BBS9: variants seen among roughly 807,000 people sequenced by gnomAD.
BBS9 encodes protein PTHB1.
In BBS9, 89 loss-of-function variants were observed where a neutral mutation model predicts 117.7. That is an observed-to-expected ratio of 0.76 (90% CI 0.64 to 0.90). The LOEUF (loss-of-function observed/expected upper bound fraction) is 0.90, where lower values mean the gene tolerates loss of function less well. Among genes scored for constraint, BBS9 ranks in the 40% least tolerant of loss-of-function variants. The pLI, the probability that BBS9 is intolerant of heterozygous loss-of-function variation, is 0.00. For missense variants in BBS9, 982 were observed against 1,042.2 expected (o/e 0.94, Z 0.80); for synonymous variants, 379 against 370.9 (o/e 1.02, Z -0.25).
chr7:33,466,566 TCATCTG>T (rs1840198978), intron 19 of BBS9, among the ~76,000 whole-genome samples: 1 of 152,126 alleles, frequency 6.6e-6, no homozygotes, highest in African/African-American at 2.4e-5. Context: ...CTTTATTCAT[TCATCTG>T]TCTGCAGACA....
chr7:33,624,523 A>C (rs1316799698), intron 21 of BBS9, among the ~76,000 whole-genome samples: 1 of 152,100 alleles, frequency 6.6e-6, no homozygotes, highest in African/African-American at 2.4e-5. Flanking sequence ...TTAACTTTCC[A>C]TGTGTTTTCT....
chr7:33,592,299 C>A (rs1320853838), intron 21 of BBS9, among the ~76,000 whole-genome samples: 1 of 151,948 alleles, frequency 6.6e-6, no homozygotes, highest in East Asian at 1.9e-4. Flanking sequence ...CTAATTTAAT[C>A]CTAATCTCTC....
chr7:33,509,544 C>T (rs1846617955), intron 20 of BBS9, among the ~76,000 whole-genome samples: 1 of 152,104 alleles, frequency 6.6e-6, no homozygotes, highest in Non-Finnish European at 1.5e-5. Flanking sequence ...GGGTGGATGG[C>T]AGAGTACATG....
Position 33,613,851 on chromosome 7 carries a change from A to T in BBS9, c.2522-21326A>T, listed in dbSNP as rs139277534. ...TACAGAGAAAGACATATCATGAATA[A>T]CACCAAGGCTTGGACTTCTACCATT... On this transcript the variant is annotated intron_variant, in intron 21 of 21. Transcript: ENST00000671952. Among the ~76,000 whole-genome samples, 341 of 152,146 alleles carry T rather than the reference A, an allele frequency of 2.2e-3. 2 individuals are homozygous for T. The highest frequency in any genetic ancestry group is 7.8e-3 in the African/African-American group (322 of 41,528).
At chr7:33,347,627 T>C (rs1817845056) in intron 12 of BBS9, among the ~76,000 whole-genome samples, 1 of 152,048 alleles carries the variant, frequency 6.6e-6, no homozygotes, top group Non-Finnish European at 1.5e-5. Flanking sequence ...TTTTAACTTA[T>C]TTTTAAGTTG....
intron 19 of BBS9, among the ~76,000 whole-genome samples, chr7:33,484,112 T>C (rs992541786): frequency 3.9e-5 from 6 of 152,238 alleles, no homozygotes; most frequent in African/African-American, 1.4e-4. Context: ...CTTGTTAATA[T>C]TGATTGATCT....
intron 20 of BBS9, among the ~76,000 whole-genome samples, chr7:33,525,266 G>A (rs1190649142): frequency 3.9e-4 from 56 of 143,582 alleles, no homozygotes; most frequent in Admixed American, 4.9e-4. Context: ...TATTAGGTCC[G>A]CTTGGTGCAG....
intron 19 of BBS9, among the ~76,000 whole-genome samples, chr7:33,396,267 T>A (rs182791085): frequency 6.6e-6 from 1 of 152,114 alleles, no homozygotes; most frequent in Non-Finnish European, 1.5e-5. Context: ...AGCTTTCTAG[T>A]TGGAAAGTGA....
chr7:33,374,045 G>A (rs1015788307), intron 17 of BBS9, among the ~76,000 whole-genome samples: 4 of 152,162 alleles, frequency 2.6e-5, no homozygotes, highest in Non-Finnish European at 5.9e-5. Flanking sequence ...TGTGGCTCTT[G>A]TGGAGCTCCT....
At chr7:33,187,688 G>C (rs1184401836) in intron 5 of BBS9, among the ~76,000 whole-genome samples, 1 of 152,210 alleles carries the variant, frequency 6.6e-6, no homozygotes, top group Non-Finnish European at 1.5e-5. Flanking sequence ...GGGAGGCTGA[G>C]GTGGGCGGAG....
chr7:33,335,511 A>T (rs1265655078), intron 9 of BBS9, among the ~76,000 whole-genome samples: 5 of 152,190 alleles, frequency 3.3e-5, no homozygotes, highest in Admixed American at 6.5e-5. Flanking sequence ...ACGATGTTGA[A>T]TTTTTTTGTT....
At chr7:33,442,938 A>G (rs186109979) in intron 19 of BBS9, among the ~76,000 whole-genome samples, 14 of 152,332 alleles carry the variant, frequency 9.2e-5, no homozygotes, top group Admixed American at 7.2e-4. Context: ...GAGGAAGTCT[A>G]TTGGAAACAT....
chr7:33,131,519 T>A (rs78170355), intron 1 of BBS9, among the ~76,000 whole-genome samples: 284 of 152,330 alleles, frequency 1.9e-3, no homozygotes, highest in African/African-American at 6.5e-3. Flanking sequence ...TCATCTTTCT[T>A]TGACTGGAAG....
intron 5 of BBS9, among the ~76,000 whole-genome samples, chr7:33,211,749 T>C (rs10228439): frequency 0.83 from 125,573 of 152,178 alleles, 51,833 homozygotes; most frequent in Admixed American, 0.86. Flanking sequence ...TTGAAGAACT[T>C]CTTTAGCATT....
chr7:33,569,119 T>C (rs1857363582), intron 21 of BBS9, among the ~76,000 whole-genome samples: 1 of 152,182 alleles, frequency 6.6e-6, no homozygotes, highest in East Asian at 1.9e-4. Flanking sequence ...TTATTGTGAA[T>C]TGATATTGAT....
chr7:33,373,110 T>C (rs1286862260), intron 17 of BBS9, among the ~76,000 whole-genome samples: 1 of 152,148 alleles, frequency 6.6e-6, no homozygotes, highest in Admixed American at 6.5e-5. Context: ...TTTTGTATTG[T>C]TTTGATGCTT....
chr7:33,142,566 G>A (rs1791648674), intron 1 of BBS9, among the ~76,000 whole-genome samples: 1 of 152,178 alleles, frequency 6.6e-6, no homozygotes, highest in Non-Finnish European at 1.5e-5. Flanking sequence ...ATCTTGCGAA[G>A]TCAACACTAT....
chr7:33,409,075 G>A lies in BBS9; in HGVS notation c.2115+20931G>A, dbSNP rs151037809. 2.6e-3 allele frequency among the ~76,000 whole-genome samples: 394 copies of A among 151,926 alleles called. 2 individuals carry two copies. Among genetic ancestry groups the A allele is most frequent in the Non-Finnish European group, 4.2e-3 (287 of 67,900 alleles). On this transcript the variant is annotated intron_variant, in intron 19 of 22. Transcript: ENST00000242067. ...GAGGTTGTTTTTTGCTTGTTGATTCGTTTACATTCCTTTATCTCATTCTTT... is the reference window on the plus strand; with the variant it reads ...GAGGTTGTTTTTTGCTTGTTGATTCATTTACATTCCTTTATCTCATTCTTT...
intron 5 of BBS9, among the ~76,000 whole-genome samples, chr7:33,216,315 G>A (rs186298107): frequency 2.0e-5 from 3 of 152,080 alleles, no homozygotes; most frequent in African/African-American, 7.2e-5. Flanking sequence ...TTTACTCTTG[G>A]TTGACACACA....
Sources: gnomAD v4.1 joint callset for allele counts (sites outside exome capture counted in the v4.1 genomes callset) on GRCh38, gnomAD v4.1.1 for gene constraint, MANE v1.5 for transcripts, NCBI Gene and HGNC (gene_info 2026-07-23, HGNC 2026-07-21) for gene names.